PCP4: variants seen among roughly 807,000 people sequenced by gnomAD.
PCP4 encodes calmodulin regulator protein PCP4.
A neutral mutation model predicts 10.0 loss-of-function variants in PCP4; 8 were observed. The ratio of observed to expected loss-of-function variants is 0.80; its 90% CI spans 0.47 to 1.45. The LOEUF is 1.45. Ranked by LOEUF, PCP4 falls within the 40% of genes most tolerant of loss-of-function variation. PCP4 has a pLI of 0.00. For missense variants in PCP4, 54 were observed against 74.4 expected (o/e 0.73, Z 1.01); for synonymous variants, 21 against 23.0 (o/e 0.91, Z 0.24).
Position 39,929,044 on chromosome 21 carries a change from G to T in PCP4, c.122G>T (p.Arg41Leu). The T allele has an allele frequency of 6.2e-7, 1 of 1,613,518 alleles. No homozygotes were observed. Among genetic ancestry groups the T allele is most frequent in the Non-Finnish European group, 8.5e-7 (1 of 1,179,654 alleles). Residue 41 changes from arginine (R) to leucine (L), a missense_variant, in exon 3 of 3, where the codon CGT becomes CTT. Transcript: ENST00000328619. The stretch of plus-strand genomic sequence containing the variant: ...GACATGGATGCACCAGAGACAGAAC[G>T]TGCAGCGGTGGCCATTCAGTCTCAG... ...DIDMDAPETE[R>L]AAVAIQSQFR...
intron 2 of PCP4, among the ~76,000 whole-genome samples, chr21:39,908,708 C>T (rs2087525110): frequency 6.6e-6 from 1 of 152,100 alleles, no homozygotes; most frequent in Non-Finnish European, 1.5e-5. Context: ...GTGCCCGCGG[C>T]TCCAGGTGCT....
intron 1 of PCP4, among the ~76,000 whole-genome samples, chr21:39,879,598 G>A (rs537082365): frequency 7.2e-5 from 11 of 152,236 alleles, no homozygotes; most frequent in South Asian, 6.2e-4. Flanking sequence ...AAGCAGTGGC[G>A]TCGGAGGCCC....
chr21:39,898,393 A>G, intron 1 of PCP4, 83 bp from the exon 2 acceptor site: 1 of 1,054,830 alleles, frequency 9.5e-7, no homozygotes, highest in Non-Finnish European at 1.5e-6. Context: ...AATGCAAGAG[A>G]TGTTTGCAAC....
At chr21:39,879,400 A>T (rs1382954862) in intron 1 of PCP4, among the ~76,000 whole-genome samples, 3 of 152,194 alleles carry the variant, frequency 2.0e-5, no homozygotes, top group Non-Finnish European at 2.9e-5. Context: ...GTCTTTAAAA[A>T]TGATTCATTT....
At chr21:39,871,255 C>T (rs564905193) in intron 1 of PCP4, among the ~76,000 whole-genome samples, 8 of 152,302 alleles carry the variant, frequency 5.3e-5, no homozygotes, top group African/African-American at 1.4e-4. Flanking sequence ...TTGACTCTCA[C>T]GATTGCCCAG....
chr21:39,888,792 C>G (rs1354737530), intron 1 of PCP4, among the ~76,000 whole-genome samples: 1 of 152,176 alleles, frequency 6.6e-6, no homozygotes, highest in African/African-American at 2.4e-5. Context: ...TCAGCAAAGG[C>G]AAAAATGAAC....
intron 1 of PCP4, among the ~76,000 whole-genome samples, chr21:39,870,016 C>G (rs1405356677): frequency 6.6e-6 from 1 of 152,208 alleles, no homozygotes; most frequent in African/African-American, 2.4e-5. Context: ...AGCTCATTAG[C>G]TGCTTACCCA....
chr21:39,929,125 T>A lies in PCP4; in HGVS notation c.*14T>A, dbSNP rs568109680. ...TCTCAGTCCTAGTGGGAGAACCCCC[T>A]CCTAGTCCACCTGAAAACACCAAAT... On this transcript the variant is annotated 3_prime_UTR_variant, in exon 3 of 3. Coordinates refer to ENST00000328619, the MANE Select transcript of PCP4 (RefSeq NM_006198.3). The A allele has an allele frequency of 6.2e-7, 1 of 1,603,740 alleles. No individual in the cohort carries two copies. Among genetic ancestry groups the A allele is most frequent in the East Asian group, 2.2e-5 (1 of 44,654 alleles).
chr21:39,899,387 A>C (rs2087472553), intron 2 of PCP4, among the ~76,000 whole-genome samples: 1 of 152,190 alleles, frequency 6.6e-6, no homozygotes, highest in Non-Finnish European at 1.5e-5. Context: ...GATGAAATTG[A>C]TGCTAGTGTC....
chr21:39,900,719 G>A (rs1018818847), intron 2 of PCP4, among the ~76,000 whole-genome samples: 14 of 151,972 alleles, frequency 9.2e-5, no homozygotes, highest in African/African-American at 3.1e-4. Flanking sequence ...GAATTCAGAT[G>A]TTCCTCATAG....
At chr21:39,888,855 T>G (rs547982451) in intron 1 of PCP4, among the ~76,000 whole-genome samples, 5 of 152,230 alleles carry the variant, frequency 3.3e-5, no homozygotes, top group Admixed American at 1.3e-4. Context: ...TGTCTGACCC[T>G]GTACCCGTGA....
intron 2 of PCP4, among the ~76,000 whole-genome samples, chr21:39,917,422 C>A (rs1045412039): frequency 9.9e-5 from 15 of 152,214 alleles, no homozygotes; most frequent in African/African-American, 3.6e-4. Context: ...CAGACTTCCA[C>A]CCCTGAGACA....
At chr21:39,928,350 T>G (rs182359818) in intron 2 of PCP4, among the ~76,000 whole-genome samples, 26 of 152,324 alleles carry the variant, frequency 1.7e-4, no homozygotes, top group Admixed American at 1.7e-3. Context: ...CACCCCCCAC[T>G]TTGTGTCCTG....
chr21:39,903,750 C>G (rs2087492284), intron 2 of PCP4, among the ~76,000 whole-genome samples: 1 of 151,612 alleles, frequency 6.6e-6, no homozygotes, highest in African/African-American at 2.4e-5. Context: ...CGCCTGTAGT[C>G]CCAGCTACTC....
intron 2 of PCP4, among the ~76,000 whole-genome samples, chr21:39,903,918 A>G (rs1222797902): frequency 6.7e-6 from 1 of 148,726 alleles, no homozygotes; most frequent in Non-Finnish European, 1.5e-5. Context: ...ATTTGATATG[A>G]TTATATGATT....
chr21:39,907,358 A>G (rs534730964), intron 2 of PCP4, among the ~76,000 whole-genome samples: 6 of 152,116 alleles, frequency 3.9e-5, no homozygotes, highest in Admixed American at 1.3e-4. Context: ...CTAGCAGCCA[A>G]TCTAGAACAT....
chr21:39,873,022 A>T (rs977674650), intron 1 of PCP4, among the ~76,000 whole-genome samples: 1 of 152,194 alleles, frequency 6.6e-6, no homozygotes, highest in Non-Finnish European at 1.5e-5. Context: ...ATGTCAGGGA[A>T]AATATGGGAA....
rs1252261445 is a variant in PCP4 at position 39,880,176 on chromosome 21, CTA to C, written c.9+12670_9+12671del. On this transcript the variant is annotated intron_variant, in intron 1 of 2. Transcript: ENST00000328619. ...TCTATATCTATATCTATATCTATAT[CTA>C]TATCTATATCTATCTATATCTATTC... 5.0e-4 allele frequency among the ~76,000 whole-genome samples: 71 copies of C among 141,652 alleles called. 3 individuals are homozygous for C. In the South Asian group the frequency reaches 9.1e-3, roughly 18 times the overall value. 92.9% of individuals were successfully genotyped at this position (141,652 alleles called of 152,430 possible).
At chr21:39,922,335 A>G (rs139186722) in intron 2 of PCP4, among the ~76,000 whole-genome samples, 1 of 152,318 alleles carries the variant, frequency 6.6e-6, no homozygotes, top group African/African-American at 2.4e-5. Flanking sequence ...TTACCATTCC[A>G]TCTTTAAGAA....
Sources: allele counts gnomAD v4.1 joint callset (sites outside exome capture counted in the v4.1 genomes callset), GRCh38; gene constraint gnomAD v4.1.1; transcripts MANE v1.5; gene names NCBI Gene and HGNC (gene_info 2026-07-23, HGNC 2026-07-21).